Variants in SGMS1 observed in about 807,000 individuals in gnomAD.
SGMS1 encodes the protein sphingomyelin synthase 1.
In SGMS1, 13 loss-of-function variants were observed where a neutral mutation model predicts 46.2. That is an observed-to-expected ratio of 0.28 (90% CI 0.18 to 0.45). The LOEUF is 0.45. Ranked by LOEUF, SGMS1 falls within the 20% of genes least tolerant of loss-of-function variation. The pLI is 1.00. For missense variants in SGMS1, 324 were observed against 519.9 expected (o/e 0.62, Z 3.66); for synonymous variants, 203 against 187.8 (o/e 1.08, Z -0.66).
At chr10:50,573,731 A>G (rs1838355587) in intron 2 of SGMS1, among the ~76,000 whole-genome samples, 2 of 152,238 alleles carry the variant, frequency 1.3e-5, no homozygotes, top group South Asian at 4.1e-4. Flanking sequence ...CAAGAAAAAC[A>G]AAGAACAAAG....
At chr10:50,506,016 G>C (rs909222991) in intron 3 of SGMS1, among the ~76,000 whole-genome samples, 1 of 152,054 alleles carries the variant, frequency 6.6e-6, no homozygotes. Flanking sequence ...TCTCCCTCCT[G>C]ATTACTCTAT....
intron 6 of SGMS1, among the ~76,000 whole-genome samples, chr10:50,403,269 T>C (rs1435778751): frequency 6.6e-6 from 1 of 152,216 alleles, no homozygotes; most frequent in Non-Finnish European, 1.5e-5. Flanking sequence ...AACTAACAGT[T>C]GGCACAAGTA....
chr10:50,501,862 T>C lies in SGMS1; in HGVS notation c.-498+17969A>G, dbSNP rs148493734. On this transcript the variant is annotated intron_variant, in intron 3 of 10. Transcript: ENST00000361781. ...AATTCTTAAATTACTTTTTAGATAATAAGACATGATTATAAAAACAATTAA... is the reference window on the plus strand; with the variant it reads ...AATTCTTAAATTACTTTTTAGATAACAAGACATGATTATAAAAACAATTAA... Among the ~76,000 whole-genome samples, 414 of 152,280 alleles carry C rather than the reference T, an allele frequency of 2.7e-3. 3 individuals carry two copies. Among genetic ancestry groups the C allele is most frequent in the African/African-American group, 9.7e-3 (404 of 41,552 alleles).
At position 50,434,720 on chromosome 10, in the gene SGMS1, C is replaced by CAAAA. The variant is rs35940464; in HGVS notation, c.-312-1168_-312-1165dup. On this transcript the variant is annotated intron_variant, in intron 5 of 10. Coordinates refer to ENST00000361781, the MANE Select transcript of SGMS1 (RefSeq NM_147156.4). ...TGAAACCCTGTCTCTACTAAAAATA[C>CAAAA]AAAAAAAAAAAAAAATTAGCCAGGC... is the stretch of plus-strand genomic sequence containing the variant. Among the ~76,000 whole-genome samples, 215 of 137,136 alleles carry CAAAA rather than the reference C, an allele frequency of 1.6e-3. 1 individual carries two copies. The highest frequency in any genetic ancestry group is 3.8e-3 in the Middle Eastern group (1 of 262). 90.0% of individuals were successfully genotyped at this position (137,136 alleles called of 152,430 possible). A position where few individuals can be genotyped will look rare whatever the true frequency, so the allele number is the denominator to read the frequency against.
intron 2 of SGMS1, among the ~76,000 whole-genome samples, chr10:50,520,537 C>T (rs962413429): frequency 6.6e-6 from 1 of 152,106 alleles, no homozygotes; most frequent in Non-Finnish European, 1.5e-5. Context: ...GCTGAAATTC[C>T]CAAAGGTTGG....
chr10:50,509,759 T>C (rs1390692309), intron 3 of SGMS1, among the ~76,000 whole-genome samples: 1 of 152,208 alleles, frequency 6.6e-6, no homozygotes, highest in African/African-American at 2.4e-5. Flanking sequence ...ACCTTTGTAT[T>C]TGAATGAGGC....
chr10:50,537,939 A>C (rs1384642016), intron 2 of SGMS1, among the ~76,000 whole-genome samples: 3 of 152,090 alleles, frequency 2.0e-5, no homozygotes, highest in African/African-American at 7.2e-5. Flanking sequence ...CTATTAAGCC[A>C]TATGAATCCC....
chr10:50,410,277 A>G (rs1849078053), intron 6 of SGMS1, among the ~76,000 whole-genome samples: 1 of 152,184 alleles, frequency 6.6e-6, no homozygotes, highest in Admixed American at 6.5e-5. Flanking sequence ...CAGATAGGAA[A>G]GGGCATTCAA....
intron 2 of SGMS1, among the ~76,000 whole-genome samples, chr10:50,579,786 GC>G (rs904698463): frequency 6.6e-6 from 1 of 152,158 alleles, no homozygotes; most frequent in Non-Finnish European, 1.5e-5. Flanking sequence ...AAGAGAATAT[GC>G]AATGAGGGAA....
At chr10:50,513,107 C>T (rs992319625) in intron 3 of SGMS1, among the ~76,000 whole-genome samples, 1 of 152,190 alleles carries the variant, frequency 6.6e-6, no homozygotes, top group Non-Finnish European at 1.5e-5. Flanking sequence ...TTCTTGGATG[C>T]AAGGTGTTAA....
chr10:50,572,014 C>T (rs1838340802), intron 2 of SGMS1, among the ~76,000 whole-genome samples: 1 of 152,180 alleles, frequency 6.6e-6, no homozygotes, highest in South Asian at 2.1e-4. Flanking sequence ...GAGAGAGAAT[C>T]TACCACCATG....
chr10:50,354,266 C>G (rs1469612142), intron 6 of SGMS1, among the ~76,000 whole-genome samples: 13 of 152,110 alleles, frequency 8.5e-5, no homozygotes, highest in East Asian at 3.9e-4. Context: ...GAACAGAACA[C>G]AGCCCTCAGA....
At chr10:50,335,842 G>A (rs1468812231) in intron 7 of SGMS1, 2 of 152,130 alleles carry the variant, frequency 1.3e-5, no homozygotes, top group African/African-American at 2.4e-5. Flanking sequence ...ATTTATCTCT[G>A]GTGAGATGAT....
intron 3 of SGMS1, among the ~76,000 whole-genome samples, chr10:50,480,854 C>T (rs1474492606): frequency 6.6e-6 from 1 of 152,164 alleles, no homozygotes; most frequent in Non-Finnish European, 1.5e-5. Flanking sequence ...GCAGTTTGGA[C>T]CAAGAGGAAT....
intron 6 of SGMS1, among the ~76,000 whole-genome samples, chr10:50,416,228 C>G (rs1462065098): frequency 6.6e-6 from 1 of 152,150 alleles, no homozygotes; most frequent in Non-Finnish European, 1.5e-5. Context: ...GCAATTGGAG[C>G]CACATAGGAA....
intron 1 of SGMS1, among the ~76,000 whole-genome samples, chr10:50,607,481 T>C (rs374407560): frequency 1.3e-5 from 2 of 152,324 alleles, no homozygotes; most frequent in South Asian, 4.1e-4. Context: ...AGGGAAGATA[T>C]TGAAATTAGT....
chr10:50,529,601 G>T (rs1022483436), intron 2 of SGMS1, among the ~76,000 whole-genome samples: 1 of 152,036 alleles, frequency 6.6e-6, no homozygotes, highest in Admixed American at 6.6e-5. Context: ...ACACTTTGGG[G>T]GTGAAAAATG....
chr10:50,444,794 G>A (rs1362933154), intron 5 of SGMS1, among the ~76,000 whole-genome samples: 1 of 152,040 alleles, frequency 6.6e-6, no homozygotes, highest in Non-Finnish European at 1.5e-5. Context: ...AGTATTTTAG[G>A]AAAACGTAGA....
At chr10:50,395,631 T>C (rs1374541535) in intron 6 of SGMS1, among the ~76,000 whole-genome samples, 1 of 152,234 alleles carries the variant, frequency 6.6e-6, no homozygotes, top group Admixed American at 6.5e-5. Context: ...TTGAATGCTT[T>C]AGAAAGACTT....
Sources: allele counts gnomAD v4.1 joint callset (sites outside exome capture counted in the v4.1 genomes callset), GRCh38; gene constraint gnomAD v4.1.1; transcripts MANE v1.5; gene names NCBI Gene and HGNC (gene_info 2026-07-23, HGNC 2026-07-21).